The following RBFOX1 variants were observed in gnomAD, a reference collection of about 807,000 sequenced individuals.
The protein encoded by RBFOX1 is RNA binding fox-1 homolog 1, also known as RNA binding protein fox-1 homolog 1.
A neutral mutation model predicts 57.7 loss-of-function variants in RBFOX1; 8 were observed. The ratio of observed to expected loss-of-function variants is 0.14; its 90% CI spans 0.08 to 0.25. The LOEUF (loss-of-function observed/expected upper bound fraction) is 0.25. Ranked by LOEUF, RBFOX1 falls within the 10% of genes least tolerant of loss-of-function variation. The pLI, the probability that RBFOX1 is intolerant of heterozygous loss-of-function variation, is 1.00. For synonymous variants in RBFOX1, 326 were observed against 222.4 expected (o/e 1.47, Z -4.15); for missense variants, 611 against 548.5 (o/e 1.11, Z -1.14).
chr16:6,024,486 C>A (rs543680272), intron 1 of RBFOX1, among the ~76,000 whole-genome samples: 1 of 151,882 alleles, frequency 6.6e-6, no homozygotes, highest in South Asian at 2.1e-4. Context: ...GTATTCTACT[C>A]ATCTCCGCTT....
chr16:5,345,356 C>A (rs1165577320), intron 1 of RBFOX1, among the ~76,000 whole-genome samples: 3 of 152,160 alleles, frequency 2.0e-5, no homozygotes, highest in Non-Finnish European at 4.4e-5. Flanking sequence ...TCCATTGTGC[C>A]CCTGAAAACA....
intron 2 of RBFOX1, among the ~76,000 whole-genome samples, chr16:6,403,457 G>C (rs1269123488): frequency 6.6e-6 from 1 of 151,996 alleles, no homozygotes; most frequent in African/African-American, 2.4e-5. Context: ...TGGACCACCG[G>C]AGCTCAGGTG....
At chr16:7,656,533 C>G (rs1568315118) in intron 12 of RBFOX1, among the ~76,000 whole-genome samples, 1 of 147,446 alleles carries the variant, frequency 6.8e-6, no homozygotes, top group East Asian at 2.4e-4. Context: ...GTTAGAAATA[C>G]TTGTTTTCAG....
At chr16:5,418,347 G>A (rs575645738) in intron 1 of RBFOX1, among the ~76,000 whole-genome samples, 7 of 133,906 alleles carry the variant, frequency 5.2e-5, no homozygotes, top group East Asian at 2.3e-4. Flanking sequence ...AGGCAGGTGC[G>A]GTCACAGGTG....
At chr16:7,134,611 A>G (rs2071403170) in intron 4 of RBFOX1, among the ~76,000 whole-genome samples, 1 of 152,042 alleles carries the variant, frequency 6.6e-6, no homozygotes, top group African/African-American at 2.4e-5. Flanking sequence ...CTCTCCCTTC[A>G]CCCTGCCCAC....
intron 4 of RBFOX1, among the ~76,000 whole-genome samples, chr16:7,390,019 A>T (rs1401110384): frequency 6.6e-6 from 1 of 152,144 alleles, no homozygotes; most frequent in East Asian, 1.9e-4. Flanking sequence ...GGCCTCAGGA[A>T]ACTTATAATC....
intron 3 of RBFOX1, among the ~76,000 whole-genome samples, chr16:6,947,966 A>G (rs1461886661): frequency 1.3e-5 from 2 of 151,988 alleles, no homozygotes; most frequent in African/African-American, 4.8e-5. Context: ...TTAAATAGAG[A>G]CAGGCTCTTA....
At chr16:6,854,402 T>C (rs2057409833) in intron 3 of RBFOX1, among the ~76,000 whole-genome samples, 1 of 152,026 alleles carries the variant, frequency 6.6e-6, no homozygotes, top group Non-Finnish European at 1.5e-5. Flanking sequence ...AGGAATATTT[T>C]ATATAAATAT....
intron 3 of RBFOX1, among the ~76,000 whole-genome samples, chr16:6,940,270 T>A (rs539646600): frequency 6.6e-6 from 1 of 152,306 alleles, no homozygotes; most frequent in South Asian, 2.1e-4. Context: ...GCATGAGTCC[T>A]TGTTGCTGCC....
chr16:5,265,751 C>G (rs1396783035), intron 1 of RBFOX1, among the ~76,000 whole-genome samples: 1 of 152,094 alleles, frequency 6.6e-6, no homozygotes, highest in African/African-American at 2.4e-5. Flanking sequence ...CTGAATTAAA[C>G]AAATAGGTAC....
intron 14 of RBFOX1, among the ~76,000 whole-genome samples, chr16:7,694,940 C>A (rs879788295): frequency 1.3e-5 from 2 of 152,186 alleles, no homozygotes; most frequent in Non-Finnish European, 2.9e-5. Flanking sequence ...TATATTTGGA[C>A]ATCTTAGATC....
intron 1 of RBFOX1, among the ~76,000 whole-genome samples, chr16:6,035,504 G>T (rs1020082814): frequency 6.0e-5 from 9 of 150,840 alleles, no homozygotes; most frequent in African/African-American, 2.2e-4. Flanking sequence ...AAATTGCCTG[G>T]TAAAGTAGAC....
At chr16:6,229,112 C>T (rs921090829) in intron 1 of RBFOX1, among the ~76,000 whole-genome samples, 3 of 152,130 alleles carry the variant, frequency 2.0e-5, no homozygotes, top group Non-Finnish European at 2.9e-5. Context: ...GCAGCAGTGT[C>T]ATCCTCTGAG....
At chr16:5,464,423 G>A (rs1567549874) in intron 1 of RBFOX1, among the ~76,000 whole-genome samples, 1 of 152,232 alleles carries the variant, frequency 6.6e-6, no homozygotes, top group Admixed American at 6.5e-5. Flanking sequence ...TCAGAGAGGG[G>A]ACACGACAGA....
chr16:7,114,200 G>C (rs1396476255), intron 4 of RBFOX1, among the ~76,000 whole-genome samples: 7 of 152,138 alleles, frequency 4.6e-5, no homozygotes, highest in African/African-American at 1.4e-4. Flanking sequence ...TTTACGTGGA[G>C]GTGCTAAGGT....
intron 4 of RBFOX1, among the ~76,000 whole-genome samples, chr16:7,251,995 A>C (rs994712060): frequency 2.3e-4 from 35 of 152,214 alleles, no homozygotes; most frequent in African/African-American, 8.4e-4. Flanking sequence ...GTCTTCAAGG[A>C]AAATGCAAAA....
intron 4 of RBFOX1, among the ~76,000 whole-genome samples, chr16:7,265,109 C>G (rs530561777): frequency 1.3e-5 from 2 of 152,234 alleles, no homozygotes; most frequent in Non-Finnish European, 2.9e-5. Context: ...TATTGAATTA[C>G]TAATAAAGAC....
At chr16:5,258,978 C>A (rs1044426694) in intron 1 of RBFOX1, among the ~76,000 whole-genome samples, 1 of 151,970 alleles carries the variant, frequency 6.6e-6, no homozygotes, top group African/African-American at 2.4e-5. Flanking sequence ...CCCATCTGGC[C>A]CCTGCTCCTT....
At chr16:5,347,979 C>T (rs530575775) in intron 1 of RBFOX1, among the ~76,000 whole-genome samples, 6 of 143,392 alleles carry the variant, frequency 4.2e-5, no homozygotes, top group East Asian at 2.3e-4. Context: ...ACCAACCCAT[C>T]GATCCATCTA....
Sources: gnomAD v4.1 joint callset for allele counts (sites outside exome capture counted in the v4.1 genomes callset) on GRCh38, gnomAD v4.1.1 for gene constraint, MANE v1.5 for transcripts, NCBI Gene and HGNC (gene_info 2026-07-23, HGNC 2026-07-21) for gene names.